Variants in LGSN observed in about 807,000 individuals in gnomAD.
LGSN encodes lengsin, lens protein with glutamine synthetase domain.
Under a neutral mutation model 19.5 loss-of-function variants are expected in LGSN, and 21 were observed. The ratio of observed to expected loss-of-function variants is 1.07; its 90% CI spans 0.76 to 1.55. The LOEUF (loss-of-function observed/expected upper bound fraction) is 1.55. Among genes scored for constraint, LGSN ranks in the 40% most tolerant of loss-of-function variants. The pLI is 0.00. For synonymous variants in LGSN, 257 were observed against 215.6 expected, an observed-to-expected ratio of 1.19 and a Z score of -1.68; for missense variants, 673 against 608.5, an observed-to-expected ratio of 1.11 and a Z score of -1.12.
At chr6:63,516,692 C>A in the LGSN span, among the ~76,000 whole-genome samples, 1 of 152,236 alleles carries the variant, frequency 6.6e-6, no homozygotes, top group South Asian at 2.1e-4. Flanking sequence ...GGAAAAAAAT[C>A]TCTTTTACAA....
chr6:63,566,835 A>G, the LGSN span, among the ~76,000 whole-genome samples: 1 of 152,238 alleles, frequency 6.6e-6, no homozygotes, highest in Non-Finnish European at 1.5e-5. Context: ...TCAAAGTTGC[A>G]ATCAGTCCTC....
the LGSN span, chr6:63,573,157 G>A: frequency 7.1e-5 from 11 of 155,844 alleles, no homozygotes; most frequent in Non-Finnish European, 1.4e-4. Flanking sequence ...GCGTCCCGGG[G>A]CCTCTTTGTT....
the LGSN span, among the ~76,000 whole-genome samples, chr6:63,532,096 G>T: frequency 3.0e-4 from 46 of 152,248 alleles, no homozygotes; most frequent in Middle Eastern, 6.8e-3. Flanking sequence ...ACCACGCCCG[G>T]TCAACCACAT....
chr6:63,518,336 A>G, the LGSN span, among the ~76,000 whole-genome samples: 12 of 152,242 alleles, frequency 7.9e-5, no homozygotes, highest in Non-Finnish European at 1.6e-4. Flanking sequence ...TGTTACTTGT[A>G]CCTAAACTAA....
chr6:63,455,900 C>A, the LGSN span, among the ~76,000 whole-genome samples: 1 of 151,060 alleles, frequency 6.6e-6, no homozygotes, highest in African/African-American at 2.4e-5. Flanking sequence ...CACAGCGAGA[C>A]CCTGTCTCAA....
the LGSN span, among the ~76,000 whole-genome samples, chr6:63,367,223 A>T: frequency 4.3e-3 from 649 of 152,272 alleles, 10 homozygotes; most frequent in Non-Finnish European, 4.4e-3. Flanking sequence ...GAATCTACAA[A>T]GAACTTTAAC....
the LGSN span, among the ~76,000 whole-genome samples, chr6:63,399,359 A>G: frequency 6.6e-6 from 1 of 151,772 alleles, no homozygotes; most frequent in South Asian, 2.1e-4. Context: ...TTCTCAGAAT[A>G]TATCTGCATC....
chr6:63,519,188 T>C, the LGSN span, among the ~76,000 whole-genome samples: 1 of 151,964 alleles, frequency 6.6e-6, no homozygotes, highest in East Asian at 1.9e-4. Context: ...GTGCCTGTAA[T>C]CCCAGCTACT....
the LGSN span, chr6:63,549,240 T>C: frequency 6.8e-6 from 5 of 739,862 alleles, no homozygotes; most frequent in Non-Finnish European, 1.2e-5. Flanking sequence ...AGCAGCTGTT[T>C]GGTGGTCCAG....
chr6:63,427,430 C>G, the LGSN span, among the ~76,000 whole-genome samples: 2 of 152,052 alleles, frequency 1.3e-5, no homozygotes, highest in African/African-American at 4.8e-5. Context: ...TTTCCTTACT[C>G]AGGTGCTGGA....
chr6:63,535,810 G>A, the LGSN span, among the ~76,000 whole-genome samples: 1 of 152,110 alleles, frequency 6.6e-6, no homozygotes, highest in Admixed American at 6.6e-5. Flanking sequence ...GGCCACGATG[G>A]CTCATGTTAA....
the LGSN span, among the ~76,000 whole-genome samples, chr6:63,413,439 A>T: frequency 6.6e-6 from 1 of 152,154 alleles, no homozygotes; most frequent in Non-Finnish European, 1.5e-5. Context: ...GTTTCTCCTA[A>T]TATCTAATTT....
the LGSN span, among the ~76,000 whole-genome samples, chr6:63,560,844 T>G: frequency 6.6e-6 from 1 of 152,214 alleles, no homozygotes; most frequent in African/African-American, 2.4e-5. Flanking sequence ...TGGCACCAGT[T>G]CACAGACTAC....
rs184674378 is a variant in LGSN, at chr6:63,310,007, G to A, written c.30+9907C>T. Among the ~76,000 whole-genome samples the A allele has an allele frequency of 1.1e-3, 168 of 152,276 alleles. 2 individuals are homozygous for A. Among genetic ancestry groups the A allele is most frequent in the African/African-American group, 3.7e-3 (154 of 41,550 alleles). ...TTCACCTTCAGGGAAAACTCAAATT[G>A]GTATTCTCTAAGGCTCTGCATAATC... is the stretch of plus-strand genomic sequence containing the variant. On this transcript the variant is annotated intron_variant, in intron 1 of 3. Transcript: ENST00000370657.
At chr6:63,480,217 T>A in the LGSN span, 1 of 221,680 alleles carries the variant, frequency 4.5e-6, no homozygotes, top group Admixed American at 4.2e-5. Flanking sequence ...ACAAGGGGTA[T>A]GTGCCATCAC....
the LGSN span, among the ~76,000 whole-genome samples, chr6:63,477,537 G>A: frequency 1.3e-5 from 2 of 151,906 alleles, no homozygotes; most frequent in Non-Finnish European, 2.9e-5. Context: ...ACATAGAAAT[G>A]GAGAGTTTCT....
the LGSN span, among the ~76,000 whole-genome samples, chr6:63,424,508 G>GAC: frequency 0.043 from 6,376 of 146,638 alleles, 158 homozygotes; most frequent in African/African-American, 0.077. Context: ...ACCAAAACCA[G>GAC]ACACACACAC....
At chr6:63,303,396 A>G (rs1768263943) in intron 1 of LGSN, among the ~76,000 whole-genome samples, 2 of 152,336 alleles carry the variant, frequency 1.3e-5, no homozygotes, top group South Asian at 2.1e-4. Context: ...ATCTCCAACA[A>G]TAAAGGTACT....
chr6:63,335,213 T>A, the LGSN span, among the ~76,000 whole-genome samples: 2 of 150,760 alleles, frequency 1.3e-5, no homozygotes, highest in Non-Finnish European at 2.9e-5. Context: ...GAAAACTGGA[T>A]GACTGTATGC....
Sources: gnomAD v4.1 joint callset for allele counts (sites outside exome capture counted in the v4.1 genomes callset) on GRCh38, gnomAD v4.1.1 for gene constraint, MANE v1.5 for transcripts, NCBI Gene and HGNC (gene_info 2026-07-23, HGNC 2026-07-21) for gene names.